The following NPLOC4 variants were observed in gnomAD, a reference collection of about 807,000 sequenced individuals.
NPLOC4 encodes nuclear protein localization protein 4 homolog.
NPLOC4 carries 18 observed loss-of-function variants against 80.6 expected under a neutral mutation model. The ratio of observed to expected loss-of-function variants is 0.22; its 90% CI spans 0.15 to 0.33. NPLOC4 has a LOEUF of 0.33. Ranked by LOEUF, NPLOC4 falls within the 10% of genes least tolerant of loss-of-function variation. NPLOC4 has a pLI of 1.00. For synonymous variants in NPLOC4, 313 were observed against 301.5 expected (o/e 1.04, Z -0.39); for missense variants, 540 against 786.1 (o/e 0.69, Z 3.74).
Position 81,604,405 on chromosome 17 carries a change from C to T in NPLOC4, c.834+143G>A, listed in dbSNP as rs555424045. 9 of 681,936 alleles carry T rather than the reference C, an allele frequency of 1.3e-5. No homozygotes were observed. The Admixed American group carries it at 2.5e-4, about 19-fold the overall frequency. The allele number at this position is 681,936 out of a possible 1,614,324, so 42.2% of individuals were successfully genotyped here. On this transcript the variant is annotated intron_variant, in intron 8 of 16. Transcript: ENST00000331134. The stretch of plus-strand genomic sequence containing the variant: ...GAGCCATGATCTCACTCTCCAATAA[C>T]TCAGAAAATGTTGTGCACGTGCACC...
intron 4 of NPLOC4, among the ~76,000 whole-genome samples, chr17:81,610,909 G>A (rs1167816412): frequency 3.1e-5 from 1 of 31,860 alleles, no homozygotes; most frequent in Non-Finnish European, 1.2e-4. Flanking sequence ...CCGAGATTGC[G>A]CCACTGCAGT....
chr17:81,626,247 C>T (rs2035792077), intron 2 of NPLOC4, among the ~76,000 whole-genome samples: 1 of 149,150 alleles, frequency 6.7e-6, no homozygotes, highest in South Asian at 2.1e-4. Context: ...ACCCCGGAGG[C>T]GGAGGTTGCA....
At chr17:81,633,693 T>C in intron 1 of NPLOC4, among the ~76,000 whole-genome samples, 1 of 152,112 alleles carries the variant, frequency 6.6e-6, no homozygotes, top group East Asian at 1.9e-4. Context: ...GAGATACAGT[T>C]AAATCCACAG....
rs1410249168 is a variant in NPLOC4 at position 81,636,919 on chromosome 17, G to A, written c.12C>T (p.Ser4=). Residue 4 remains serine (S), a synonymous_variant, in exon 1 of 17, where the codon AGC becomes AGT. Coordinates refer to ENST00000331134, the MANE Select transcript of NPLOC4 (RefSeq NM_017921.4). MAE[S]IIIRVQSPDG... Reference sequence around the variant, plus strand: ...CCCGCCCGGCCGCCGCACTCACGATGCTCTCGGCCATGGCGGCTGCTCCTG... The same window carrying A: ...CCCGCCCGGCCGCCGCACTCACGATACTCTCGGCCATGGCGGCTGCTCCTG... 1 of 1,399,420 alleles carries A rather than the reference G, an allele frequency of 7.1e-7. No individual in the cohort carries two copies. The highest frequency in any genetic ancestry group is 9.3e-7 in the Non-Finnish European group (1 of 1,072,188). 86.7% of individuals were successfully genotyped at this position (1,399,420 alleles called of 1,614,324 possible). A position where few individuals can be genotyped will look rare whatever the true frequency, so the allele number is the denominator to read the frequency against.
intron 6 of NPLOC4, 52 bp from the exon 7 acceptor site, chr17:81,606,866 G>A (rs1172088644): frequency 2.1e-5 from 33 of 1,563,960 alleles, no homozygotes; most frequent in South Asian, 4.6e-5. Flanking sequence ...AGTTGAGCAA[G>A]AGGCTGGAAA....
chr17:81,629,650 A>T (rs2035881782), intron 2 of NPLOC4, 75 bp downstream of exon 2: 2 of 1,115,562 alleles, frequency 1.8e-6, no homozygotes, highest in Admixed American at 1.9e-5. Flanking sequence ...AACGAGGAAA[A>T]GAGAAAAGGT....
chr17:81,606,536 G>A (rs1396108388), intron 7 of NPLOC4, among the ~76,000 whole-genome samples, 155 bp downstream of exon 7: 1 of 152,190 alleles, frequency 6.6e-6, no homozygotes, highest in Non-Finnish European at 1.5e-5. Context: ...GATATATTCA[G>A]TGTACCACTT....
rs2034183744 is a variant in NPLOC4 at position 81,572,306 on chromosome 17, A to T, written c.1282-218T>A. Among the ~76,000 whole-genome samples the T allele has an allele frequency of 6.6e-6, 1 of 151,856 alleles. No homozygotes were observed. The highest frequency in any genetic ancestry group is 2.1e-4 in the South Asian group (1 of 4,822). On this transcript the variant is annotated intron_variant, in intron 12 of 16. Coordinates refer to ENST00000331134, the MANE Select transcript of NPLOC4 (RefSeq NM_017921.4). This position sits in a 1 kb window ranked among gnomAD's most constrained non-coding sequence, Gnocchi z 4.5. ...CAGGTTCACACCATTCTCCTGCCTC[A>T]GCCTCCCAAGTAGCTGGGACTACAG...
intron 12 of NPLOC4, among the ~76,000 whole-genome samples, chr17:81,576,640 C>T (rs970834282): frequency 8.9e-6 from 1 of 112,128 alleles, no homozygotes. Flanking sequence ...AGACAAAGAA[C>T]GAAAACCTGG....
At chr17:81,593,188 C>T (rs1450972728) in intron 11 of NPLOC4, among the ~76,000 whole-genome samples, 1 of 152,024 alleles carries the variant, frequency 6.6e-6, no homozygotes, top group African/African-American at 2.4e-5. Context: ...AACAGACAGG[C>T]ACAGTTGTAA....
At chr17:81,632,793 C>T (rs550158721) in intron 1 of NPLOC4, among the ~76,000 whole-genome samples, 6 of 152,204 alleles carry the variant, frequency 3.9e-5, no homozygotes, top group East Asian at 1.9e-4. Flanking sequence ...GGGATTTGTC[C>T]GCTTTTAGTA....
intron 11 of NPLOC4, 26 bp from the exon 12 acceptor site, chr17:81,589,130 A>C: frequency 6.2e-7 from 1 of 1,602,010 alleles, no homozygotes; most frequent in Admixed American, 1.7e-5. Context: ...CTTTAAAAAG[A>C]GTCTACCAAA....
chr17:81,571,727 G>A (rs529032829), intron 13 of NPLOC4, among the ~76,000 whole-genome samples: 1 of 152,226 alleles, frequency 6.6e-6, no homozygotes, highest in East Asian at 1.9e-4. Flanking sequence ...CCTGGGGTCA[G>A]TGGTCCTTTG....
chr17:81,570,544 C>G (rs1025429497), intron 13 of NPLOC4, among the ~76,000 whole-genome samples: 3 of 152,212 alleles, frequency 2.0e-5, no homozygotes, highest in African/African-American at 7.2e-5. Flanking sequence ...TGGAGGGGAA[C>G]AGAACCAAAG....
At chr17:81,593,131 A>G (rs1214399518) in intron 11 of NPLOC4, among the ~76,000 whole-genome samples, 1 of 152,228 alleles carries the variant, frequency 6.6e-6, no homozygotes, top group African/African-American at 2.4e-5. Context: ...ACCACTACTT[A>G]CAATGATATG....
At chr17:81,622,966 G>A (rs1314081523) in intron 2 of NPLOC4, among the ~76,000 whole-genome samples, 3 of 151,378 alleles carry the variant, frequency 2.0e-5, no homozygotes, top group Non-Finnish European at 4.4e-5. Flanking sequence ...AGGATGAGGT[G>A]GGAGTATCAC....
In NPLOC4 at chr17:81,577,321, A is replaced by G. The variant is rs1029854047; in HGVS notation, c.1282-5233T>C. ...CAGCACTGTCCCTTGGCACCAGGACATCACCCTCCCACCTCTCCCAGACCC... is the reference window on the plus strand; with the variant it reads ...CAGCACTGTCCCTTGGCACCAGGACGTCACCCTCCCACCTCTCCCAGACCC... On this transcript the variant is annotated intron_variant, in intron 12 of 16. Coordinates refer to ENST00000331134, the MANE Select transcript of NPLOC4 (RefSeq NM_017921.4). This position sits in a 1 kb window ranked among gnomAD's most constrained non-coding sequence, Gnocchi z 4.3. 1.3e-5 allele frequency among the ~76,000 whole-genome samples: 2 copies of G among 151,854 alleles called. No individual in the cohort carries two copies. Among genetic ancestry groups the G allele is most frequent in the Non-Finnish European group, 2.9e-5 (2 of 67,964 alleles).
rs938547455 is a variant in NPLOC4 at position 81,618,785 on chromosome 17, T to C, written c.209+3381A>G. Among the ~76,000 whole-genome samples, 349 of 152,000 alleles carry C rather than the reference T, an allele frequency of 2.3e-3. 5 individuals carry two copies. Among genetic ancestry groups the C allele is most frequent in the African/African-American group, 8.0e-3 (331 of 41,440 alleles). On this transcript the variant is annotated intron_variant, in intron 3 of 16. Transcript: ENST00000331134. ...AAAAGGGGGAAAGGTGGGGAAAAGA[T>C]TGAGAAATCGGATGGTTGCTGTGTC...
In NPLOC4 at chr17:81,608,930, C is replaced by T; in HGVS notation, c.436-108G>A. On this transcript the variant is annotated intron_variant, in intron 5 of 16. Transcript: ENST00000331134. ...GGCCAGCAGCATGGCCTTGGCAAGTCAAGGCCCACAGTGAAAGCAGGTACT... is the reference window on the plus strand; with the variant it reads ...GGCCAGCAGCATGGCCTTGGCAAGTTAAGGCCCACAGTGAAAGCAGGTACT... 3 of 755,864 alleles carry T rather than the reference C, an allele frequency of 4.0e-6. No individual in the cohort carries two copies. The Admixed American group carries it at 7.0e-5, about 18-fold the overall frequency. 46.8% of individuals were successfully genotyped at this position (755,864 alleles called of 1,614,324 possible).
Sources: allele counts gnomAD v4.1 joint callset (sites outside exome capture counted in the v4.1 genomes callset), GRCh38; gene constraint gnomAD v4.1.1; non-coding constraint Gnocchi (gnomAD v3.1); transcripts MANE v1.5; gene names NCBI Gene and HGNC (gene_info 2026-07-23, HGNC 2026-07-21).